The following MLLT3 variants were observed in gnomAD, a reference collection of about 807,000 sequenced individuals.
MLLT3 encodes protein AF-9.
In MLLT3, 4 loss-of-function variants were observed where a neutral mutation model predicts 53.2. That is an observed-to-expected ratio of 0.08 (90% CI 0.04 to 0.17). MLLT3 has a LOEUF of 0.17. MLLT3 is among the 10% of genes least tolerant of loss of function. The probability of loss-of-function intolerance (pLI) is 1.00; values close to 1 mark genes in which losing one functional copy is unlikely to be tolerated. For missense variants in MLLT3, 569 were observed against 684.0 expected (o/e 0.83, Z 1.87); for synonymous variants, 283 against 230.6 (o/e 1.23, Z -2.06).
At chr9:20,462,381 T>G (rs1012877085) in intron 2 of MLLT3, among the ~76,000 whole-genome samples, 4 of 152,224 alleles carry the variant, frequency 2.6e-5, no homozygotes, top group Non-Finnish European at 4.4e-5. Context: ...GTTGAGTTGT[T>G]CTCACCTTTT....
intron 4 of MLLT3, among the ~76,000 whole-genome samples, chr9:20,441,498 G>A (rs1156829753): frequency 6.6e-6 from 1 of 152,004 alleles, no homozygotes; most frequent in Non-Finnish European, 1.5e-5. Context: ...AGAGTTTGTG[G>A]GGGGAGGTGG....
chr9:20,514,136 A>T (rs535270992), intron 2 of MLLT3, among the ~76,000 whole-genome samples: 1 of 152,360 alleles, frequency 6.6e-6, no homozygotes, highest in African/African-American at 2.4e-5. Context: ...GTAGTAACTC[A>T]TTCCGGATTT....
intron 5 of MLLT3, among the ~76,000 whole-genome samples, chr9:20,391,066 C>T (rs1210499507): frequency 7.9e-5 from 12 of 152,220 alleles, no homozygotes; most frequent in African/African-American, 2.9e-4. Context: ...ACCCATGTTA[C>T]TGCCACCAGA....
At chr9:20,585,507 A>C (rs1819931725) in intron 2 of MLLT3, among the ~76,000 whole-genome samples, 1 of 152,238 alleles carries the variant, frequency 6.6e-6, no homozygotes, top group African/African-American at 2.4e-5. Flanking sequence ...AACCATCTTC[A>C]AAAGTGGCTG....
intron 3 of MLLT3, among the ~76,000 whole-genome samples, chr9:20,449,279 C>T (rs1375143366): frequency 6.6e-6 from 1 of 152,162 alleles, no homozygotes; most frequent in East Asian, 1.9e-4. Flanking sequence ...TATGCCTATA[C>T]ACAGTAGAAA....
chr9:20,563,918 A>T (rs1456228469), intron 2 of MLLT3, among the ~76,000 whole-genome samples: 1 of 152,228 alleles, frequency 6.6e-6, no homozygotes, highest in African/African-American at 2.4e-5. Flanking sequence ...ACAAAAGATG[A>T]CTTTTAAAAA....
chr9:20,533,711 T>C (rs1026266334), intron 2 of MLLT3, among the ~76,000 whole-genome samples: 2 of 152,220 alleles, frequency 1.3e-5, no homozygotes, highest in African/African-American at 4.8e-5. Context: ...CAGAATATTA[T>C]TCAGTCATAA....
chr9:20,497,490 G>C (rs1250182632), intron 2 of MLLT3, among the ~76,000 whole-genome samples: 1 of 152,066 alleles, frequency 6.6e-6, no homozygotes, highest in Non-Finnish European at 1.5e-5. Flanking sequence ...TCCACTTCCT[G>C]TTCTTATAAT....
chr9:20,559,706 A>C (rs1349418661), intron 2 of MLLT3, among the ~76,000 whole-genome samples: 1 of 152,146 alleles, frequency 6.6e-6, no homozygotes, highest in African/African-American at 2.4e-5. Context: ...ATGTAGGATA[A>C]ATTACTCTGT....
Position 20,414,005 on chromosome 9 carries a change from G to C in MLLT3, c.841C>G (p.Pro281Ala). 6.2e-7 allele frequency: 1 copy of C among 1,614,074 alleles called. No individual in the cohort carries two copies. The highest frequency in any genetic ancestry group is 1.1e-5 in the South Asian group (1 of 91,066). ...TCTGAAATGGGCGGCCTTTTACTAG[G>C]AGCCTTCTTATCTTGTCCACTGGTG... ...TITSGQDKKA[P>A]SKRPPISDSE... The change falls in exon 5 of 11, where the codon CCT (proline) becomes GCT (alanine). Residue 281 changes from proline (P) to alanine (A), a missense_variant. Physicochemically the swap from Pro to Ala is conservative, Grantham distance 27. Transcript: ENST00000380338.
In MLLT3 at chr9:20,483,009, T is replaced by A. The variant is rs1214637579; in HGVS notation, c.194-26223A>T. ...TTAGGATTGTACAGTACTACTTACATGCTAAGAACTGAACTGACAAATGAC... is the reference window on the plus strand; with the variant it reads ...TTAGGATTGTACAGTACTACTTACAAGCTAAGAACTGAACTGACAAATGAC... On this transcript the variant is annotated intron_variant, in intron 2 of 10. Transcript: ENST00000380338. Among the ~76,000 whole-genome samples the A allele has an allele frequency of 2.0e-5, 3 of 152,108 alleles. No individual in the cohort carries two copies. In the East Asian group the frequency reaches 5.8e-4, roughly 29 times the overall value.
rs538829909 is a variant in MLLT3 at position 20,435,717 on chromosome 9, G to T, written c.420+12406C>A. Reference sequence around the variant, plus strand: ...GACTTAGGAAGGTCCTCTCGAACTTGATTTTCAGAAGCAAAAGAAATTAGT... The same window carrying T: ...GACTTAGGAAGGTCCTCTCGAACTTTATTTTCAGAAGCAAAAGAAATTAGT... On this transcript the variant is annotated intron_variant, in intron 4 of 10. Transcript: ENST00000380338. 4.6e-5 allele frequency among the ~76,000 whole-genome samples: 7 copies of T among 152,212 alleles called. 1 individual carries two copies. In the South Asian group the frequency reaches 1.5e-3, roughly 32 times the overall value.
At chr9:20,421,860 T>C (rs146343343) in intron 4 of MLLT3, among the ~76,000 whole-genome samples, 18 of 152,226 alleles carry the variant, frequency 1.2e-4, no homozygotes, top group African/African-American at 4.1e-4. Flanking sequence ...GAGAATGTAC[T>C]AAGGGAAAGA....
intron 5 of MLLT3, among the ~76,000 whole-genome samples, chr9:20,394,254 A>C (rs1477623217): frequency 6.6e-6 from 1 of 152,138 alleles, no homozygotes; most frequent in Non-Finnish European, 1.5e-5. Flanking sequence ...CAGAATTAGA[A>C]TGAAGCTTTC....
intron 2 of MLLT3, among the ~76,000 whole-genome samples, chr9:20,579,010 C>T (rs369651570): frequency 1.3e-5 from 2 of 152,038 alleles, no homozygotes; most frequent in East Asian, 3.9e-4. Flanking sequence ...TATTGTACAG[C>T]GTTGCTTACC....
intron 2 of MLLT3, among the ~76,000 whole-genome samples, chr9:20,540,582 C>T (rs1818605241): frequency 6.6e-6 from 1 of 152,168 alleles, no homozygotes; most frequent in Non-Finnish European, 1.5e-5. Flanking sequence ...GTGGGTGGGG[C>T]TGGAGATGGA....
chr9:20,517,465 A>AG (rs1224109920), intron 2 of MLLT3, among the ~76,000 whole-genome samples: 1 of 152,128 alleles, frequency 6.6e-6, no homozygotes, highest in African/African-American at 2.4e-5. Flanking sequence ...CAAAAAAAAA[A>AG]AAAAGAAAAT....
intron 2 of MLLT3, among the ~76,000 whole-genome samples, chr9:20,576,573 T>TG (rs1819658239): frequency 6.6e-6 from 1 of 152,078 alleles, no homozygotes; most frequent in Admixed American, 6.6e-5. Flanking sequence ...GATGAGACAA[T>TG]GACTGGAGCA....
chr9:20,589,450 G>A (rs1316276112), intron 2 of MLLT3, among the ~76,000 whole-genome samples: 2 of 104,654 alleles, frequency 1.9e-5, no homozygotes, highest in African/African-American at 3.7e-5. Context: ...GGGGGGAGGG[G>A]GGAGGGATAG....
Sources: gnomAD v4.1 joint callset for allele counts (sites outside exome capture counted in the v4.1 genomes callset) on GRCh38, gnomAD v4.1.1 for gene constraint, MANE v1.5 for transcripts, NCBI Gene and HGNC (gene_info 2026-07-23, HGNC 2026-07-21) for gene names.